The following SLC4A10 variants were observed in gnomAD, a reference collection of about 807,000 sequenced individuals.
SLC4A10 encodes solute carrier family 4 member 10, also known as sodium-driven chloride bicarbonate exchanger.
Under a neutral mutation model 137.7 loss-of-function variants are expected in SLC4A10, and 42 were observed. The ratio of observed to expected loss-of-function variants is 0.30; its 90% CI spans 0.24 to 0.39. The LOEUF (loss-of-function observed/expected upper bound fraction) is 0.39, where lower values mean the gene tolerates loss of function less well. Ranked by LOEUF, SLC4A10 falls within the 10% of genes least tolerant of loss-of-function variation. SLC4A10 has a pLI of 1.00. For missense variants in SLC4A10, 925 were observed against 1,355.0 expected (o/e 0.68, Z 4.98); for synonymous variants, 474 against 464.1 (o/e 1.02, Z -0.27).
chr2:161,697,353 T>C (rs541149530), intron 1 of SLC4A10, among the ~76,000 whole-genome samples: 1 of 152,314 alleles, frequency 6.6e-6, no homozygotes, highest in Non-Finnish European at 1.5e-5. Flanking sequence ...CCATTGCTTT[T>C]GGTGTTTTAG....
chr2:161,880,306 A>G (rs2061687676), intron 9 of SLC4A10, among the ~76,000 whole-genome samples: 1 of 152,176 alleles, frequency 6.6e-6, no homozygotes, highest in Non-Finnish European at 1.5e-5. Context: ...TATCAACTGT[A>G]GAATATATGT....
intron 1 of SLC4A10, among the ~76,000 whole-genome samples, chr2:161,770,387 G>C (rs944058952): frequency 6.6e-6 from 1 of 151,792 alleles, no homozygotes; most frequent in African/African-American, 2.4e-5. Flanking sequence ...AAAATATAGA[G>C]AGACACTAGA....
At chr2:161,817,151 G>A (rs891116359) in intron 3 of SLC4A10, among the ~76,000 whole-genome samples, 4 of 152,148 alleles carry the variant, frequency 2.6e-5, no homozygotes, top group Admixed American at 1.3e-4. Flanking sequence ...GTTGTTTCCT[G>A]ACTTTTTAAT....
chr2:161,884,874 A>G (rs2062113679), intron 10 of SLC4A10, among the ~76,000 whole-genome samples: 1 of 152,202 alleles, frequency 6.6e-6, no homozygotes, highest in South Asian at 2.1e-4. Context: ...ATTGCTTTGA[A>G]GGCTATTGAA....
intron 6 of SLC4A10, among the ~76,000 whole-genome samples, chr2:161,866,016 T>C (rs2060718970): frequency 6.6e-6 from 1 of 152,016 alleles, no homozygotes; most frequent in African/African-American, 2.4e-5. Context: ...CAAAGATTTT[T>C]CCAGAAACTT....
intron 12 of SLC4A10, 150 bp downstream of exon 12, chr2:161,901,161 A>G (rs991300283): frequency 3.0e-6 from 2 of 662,360 alleles, no homozygotes; most frequent in Non-Finnish European, 5.5e-6. Flanking sequence ...GATTTCTCTG[A>G]AGTTACTAAT....
chr2:161,947,609 G>C lies in SLC4A10; in HGVS notation c.2147G>C (p.Gly716Ala), dbSNP rs1694060502. ...LHGEYVGRAC[G>A]HDHPYVPDVL... ...GGAGAGTATGTTGGACGGGCCTGTG[G>C]CCATGATCACCCATATGTTCCAGAT... The change falls in exon 17 of 27, where the codon GGC (glycine) becomes GCC (alanine). Residue 716 changes from glycine to alanine, a missense_variant. Coordinates refer to ENST00000446997, the MANE Select transcript of SLC4A10 (RefSeq NM_001178015.2). The C allele has an allele frequency of 6.2e-7, 1 of 1,613,016 alleles. No individual in the cohort carries two copies. The highest frequency in any genetic ancestry group is 1.3e-5 in the African/African-American group (1 of 74,844).
intron 3 of SLC4A10, among the ~76,000 whole-genome samples, chr2:161,839,320 A>G (rs2059025065): frequency 6.6e-6 from 1 of 152,214 alleles, no homozygotes; most frequent in Admixed American, 6.5e-5. Flanking sequence ...GGAGGTAGGA[A>G]TGACTACAAA....
At chr2:161,825,967 A>G (rs777509930) in intron 3 of SLC4A10, among the ~76,000 whole-genome samples, 2 of 152,210 alleles carry the variant, frequency 1.3e-5, no homozygotes, top group Non-Finnish European at 1.5e-5. Context: ...GGAAATAAAT[A>G]TCTGTTCTTG....
At chr2:161,687,572 A>G (rs1416590350) in intron 1 of SLC4A10, among the ~76,000 whole-genome samples, 1 of 152,144 alleles carries the variant, frequency 6.6e-6, no homozygotes, top group African/African-American at 2.4e-5. Context: ...TTTTCTCTCT[A>G]TTCTATATAC....
intron 7 of SLC4A10, among the ~76,000 whole-genome samples, chr2:161,872,957 G>A (rs768387033): frequency 3.3e-5 from 5 of 152,048 alleles, no homozygotes; most frequent in Non-Finnish European, 5.9e-5. Context: ...CAGGTGATCC[G>A]TCCGCCTCAG....
At chr2:161,837,923 G>A (rs2058918769) in intron 3 of SLC4A10, among the ~76,000 whole-genome samples, 1 of 152,138 alleles carries the variant, frequency 6.6e-6, no homozygotes, top group African/African-American at 2.4e-5. Flanking sequence ...TTTCCACCAT[G>A]TGATATTACA....
chr2:161,976,849 A>G lies in SLC4A10; in HGVS notation c.3317A>G (p.Asp1106Gly). The G allele has an allele frequency of 6.3e-7, 1 of 1,597,422 alleles. No individual in the cohort carries two copies. The highest frequency in any genetic ancestry group is 8.5e-7 in the Non-Finnish European group (1 of 1,171,420). The change falls in exon 25 of 27, where the codon GAT becomes GGT. Residue 1106 changes from aspartate to glycine, a missense_variant. Around this residue, in one of 11 missense-constraint regions of SLC4A10, gnomAD observed 84 missense variants for 76.9 expected, o/e 1.09. Coordinates refer to ENST00000446997, the MANE Select transcript of SLC4A10 (RefSeq NM_001178015.2). ...NLLITADNSK[D>G]KESSFPSKSS... ...CTGATTACTGCCGATAACTCAAAAG[A>G]TAAGGAGTCAAGCTTTCCTTCCAAA...
chr2:161,768,129 C>A (rs1319495128), intron 1 of SLC4A10, among the ~76,000 whole-genome samples: 2 of 151,998 alleles, frequency 1.3e-5, no homozygotes, highest in East Asian at 3.9e-4. Context: ...AAAACAAATA[C>A]TCTGATTTTG....
intron 1 of SLC4A10, among the ~76,000 whole-genome samples, chr2:161,654,376 A>T (rs6730213): frequency 1 from 152,371 of 152,372 alleles, 76,185 homozygotes; most frequent in Non-Finnish European, 1. Context: ...GGGCAGAATA[A>T]TTTTTGTTTG....
At chr2:161,688,146 T>C (rs2041630447) in intron 1 of SLC4A10, among the ~76,000 whole-genome samples, 1 of 152,180 alleles carries the variant, frequency 6.6e-6, no homozygotes, top group African/African-American at 2.4e-5. Flanking sequence ...CTTAGGAAAT[T>C]ACTTAGACTT....
At chr2:161,818,183 C>T (rs537889717) in intron 3 of SLC4A10, among the ~76,000 whole-genome samples, 296 of 152,148 alleles carry the variant, frequency 1.9e-3, no homozygotes, top group African/African-American at 6.6e-3. Flanking sequence ...TTCTCCTTGA[C>T]GAGGTCCTTC....
Position 161,983,229 on chromosome 2 carries a change from G to A in SLC4A10, c.*77G>A. On this transcript the variant is annotated 3_prime_UTR_variant, in exon 27 of 27. Transcript: ENST00000446997. ...GCTGACTCAGGGAAAGGTGTTGACAGGGAGACTTGTCTATGACTCGATCTT... is the reference window on the plus strand; with the variant it reads ...GCTGACTCAGGGAAAGGTGTTGACAAGGAGACTTGTCTATGACTCGATCTT... 2.0e-6 allele frequency: 3 copies of A among 1,536,632 alleles called. No individual in the cohort carries two copies. Among genetic ancestry groups the A allele is most frequent in the Non-Finnish European group, 2.6e-6 (3 of 1,146,950 alleles).
chr2:161,891,614 C>A (rs767917143), intron 10 of SLC4A10, among the ~76,000 whole-genome samples: 1 of 151,846 alleles, frequency 6.6e-6, no homozygotes. Context: ...GTATGCTTCA[C>A]GAAGTTCTTG....
Sources: allele counts gnomAD v4.1 joint callset (sites outside exome capture counted in the v4.1 genomes callset), GRCh38; gene constraint gnomAD v4.1.1; regional missense constraint gnomAD v4.1.1; transcripts MANE v1.5; gene names NCBI Gene and HGNC (gene_info 2026-07-23, HGNC 2026-07-21).